Variants in SEMA5A observed in about 807,000 individuals in gnomAD.
The protein encoded by SEMA5A is semaphorin-5A.
Under a neutral mutation model 135.5 loss-of-function variants are expected in SEMA5A, and 55 were observed. The ratio of observed to expected loss-of-function variants is 0.41; its 90% CI spans 0.33 to 0.51. The LOEUF (loss-of-function observed/expected upper bound fraction) is 0.51. Ranked by LOEUF, SEMA5A falls within the 20% of genes least tolerant of loss-of-function variation. The probability of loss-of-function intolerance (pLI) is 0.37; values close to 1 mark genes in which losing one functional copy is unlikely to be tolerated. For synonymous variants in SEMA5A, 580 were observed against 546.5 expected, an observed-to-expected ratio of 1.06 and a Z score of -0.85; for missense variants, 1,290 against 1,419.9, an observed-to-expected ratio of 0.91 and a Z score of 1.47.
At chr5:9,326,781 TAAATA>T (rs1221553535) in intron 4 of SEMA5A, among the ~76,000 whole-genome samples, 3 of 152,054 alleles carry the variant, frequency 2.0e-5, no homozygotes, top group South Asian at 2.1e-4. Context: ...TCTCAATAAA[TAAATA>T]AAATAAGGAA....
At chr5:9,226,742 CA>C (rs1250040517) in intron 7 of SEMA5A, 126 bp downstream of exon 7, 2 of 585,324 alleles carry the variant, frequency 3.4e-6, no homozygotes, top group Non-Finnish European at 6.0e-6. Flanking sequence ...TTCAATTTGA[CA>C]AAAAGTGCTT....
At chr5:9,470,991 A>T (rs1390891469) in intron 1 of SEMA5A, among the ~76,000 whole-genome samples, 1 of 152,198 alleles carries the variant, frequency 6.6e-6, no homozygotes, top group Non-Finnish European at 1.5e-5. Flanking sequence ...CATTAATAAT[A>T]ATTATGATAA....
At chr5:9,294,464 C>T (rs1751235629) in intron 5 of SEMA5A, among the ~76,000 whole-genome samples, 1 of 152,174 alleles carries the variant, frequency 6.6e-6, no homozygotes, top group Non-Finnish European at 1.5e-5. Context: ...CCTGGATTCC[C>T]CTGCCTGCTC....
At chr5:9,110,466 A>C (rs558860887) in intron 15 of SEMA5A, among the ~76,000 whole-genome samples, 1 of 152,378 alleles carries the variant, frequency 6.6e-6, no homozygotes, top group South Asian at 2.1e-4. Flanking sequence ...ACTCCAACCT[A>C]GAAAACGGCG....
At chr5:9,146,536 G>A (rs1742346136) in intron 12 of SEMA5A, among the ~76,000 whole-genome samples, 1 of 152,130 alleles carries the variant, frequency 6.6e-6, no homozygotes, top group Non-Finnish European at 1.5e-5. Flanking sequence ...AAAAATAATT[G>A]GAGAGGAACA....
At chr5:9,136,751 GGCTGCACACTGGAGA>G (rs1434673662) in intron 12 of SEMA5A, 130 bp from the exon 13 acceptor site, 1 of 724,366 alleles carries the variant, frequency 1.4e-6, no homozygotes, top group Non-Finnish European at 2.5e-6. Flanking sequence ...TGGGTATTTA[GGCTGCACACTGGAGA>G]GCACAGCTAT....
intron 2 of SEMA5A, among the ~76,000 whole-genome samples, chr5:9,384,675 TATAG>T (rs1358325341): frequency 0.074 from 4,741 of 64,074 alleles, 468 homozygotes; most frequent in African/African-American, 0.16. Flanking sequence ...GATAGATAGA[TATAG>T]ATAGATAGAT....
chr5:9,217,292 T>C lies in SEMA5A; in HGVS notation c.646+7382A>G, dbSNP rs1008789757. 2.6e-5 allele frequency among the ~76,000 whole-genome samples: 4 copies of C among 152,220 alleles called. No homozygotes were observed. In the South Asian group the frequency reaches 8.3e-4, roughly 32 times the overall value. ...TGGTTGAAGACTTTTTCTTTATTTT[T>C]AATTTAAGAATGCTGAATATAGGCC... is the stretch of plus-strand genomic sequence containing the variant. On this transcript the variant is annotated intron_variant, in intron 8 of 22. Transcript: ENST00000382496.
At chr5:9,331,559 A>C (rs967707856) in intron 4 of SEMA5A, among the ~76,000 whole-genome samples, 4 of 152,316 alleles carry the variant, frequency 2.6e-5, no homozygotes, top group Admixed American at 2.0e-4. Context: ...AGACTTAACC[A>C]ATTAGAAACC....
intron 3 of SEMA5A, among the ~76,000 whole-genome samples, chr5:9,360,134 T>G (rs1754626481): frequency 6.6e-6 from 1 of 152,216 alleles, no homozygotes; most frequent in Non-Finnish European, 1.5e-5. Context: ...ACCACTGGCC[T>G]TTGCAGGTAT....
At chr5:9,306,047 C>A (rs1449370080) in intron 5 of SEMA5A, among the ~76,000 whole-genome samples, 2 of 152,176 alleles carry the variant, frequency 1.3e-5, no homozygotes, top group Non-Finnish European at 2.9e-5. Context: ...AAGGTTATGT[C>A]TTTTTCTGTT....
At position 9,061,633 on chromosome 5, in the gene SEMA5A, T is replaced by C. The variant is rs147648347; in HGVS notation, c.2518+1254A>G. Among the ~76,000 whole-genome samples the C allele has an allele frequency of 3.3e-5, 5 of 152,156 alleles. No homozygotes were observed. The East Asian group carries it at 9.7e-4, about 30-fold the overall frequency. Reference sequence around the variant, plus strand: ...AAAGGCAGAAACAGGGGCTTGAATATTAAAGGGAAAGATGGAGGAGTGTTT... The same window carrying C: ...AAAGGCAGAAACAGGGGCTTGAATACTAAAGGGAAAGATGGAGGAGTGTTT... On this transcript the variant is annotated intron_variant, in intron 18 of 22. Transcript: ENST00000382496.
At chr5:9,273,778 C>G (rs1401554668) in intron 5 of SEMA5A, among the ~76,000 whole-genome samples, 1 of 152,060 alleles carries the variant, frequency 6.6e-6, no homozygotes, top group Non-Finnish European at 1.5e-5. Context: ...CCTTTACAGA[C>G]AAGCAAATGC....
intron 4 of SEMA5A, among the ~76,000 whole-genome samples, chr5:9,332,301 A>G (rs1265832341): frequency 6.7e-6 from 1 of 149,832 alleles, no homozygotes; most frequent in Admixed American, 6.6e-5. Flanking sequence ...ATGGGCTGCT[A>G]CTCACATTGG....
chr5:9,271,463 G>C (rs1330874132), intron 5 of SEMA5A, among the ~76,000 whole-genome samples: 1 of 152,130 alleles, frequency 6.6e-6, no homozygotes, highest in African/African-American at 2.4e-5. Flanking sequence ...TAACAGTTAG[G>C]GGCTAGAACA....
At chr5:9,112,132 G>A (rs1237295736) in intron 15 of SEMA5A, among the ~76,000 whole-genome samples, 1 of 152,168 alleles carries the variant, frequency 6.6e-6, no homozygotes, top group Non-Finnish European at 1.5e-5. Flanking sequence ...ACCTCATGAT[G>A]TGTTAATAAT....
intron 1 of SEMA5A, among the ~76,000 whole-genome samples, chr5:9,438,626 T>C (rs1156462479): frequency 1.3e-5 from 2 of 152,228 alleles, no homozygotes; most frequent in Non-Finnish European, 2.9e-5. Context: ...TGACTTCAAA[T>C]ACTGCATTTC....
chr5:9,383,847 A>G (rs1755718260), intron 2 of SEMA5A, among the ~76,000 whole-genome samples: 1 of 152,140 alleles, frequency 6.6e-6, no homozygotes, highest in African/African-American at 2.4e-5. Flanking sequence ...ACCTGAATGA[A>G]AGGAAGAGAA....
At position 9,402,928 on chromosome 5, in the gene SEMA5A, T is replaced by C. The variant is rs1407880200; in HGVS notation, c.-77-22905A>G. 3.3e-5 allele frequency among the ~76,000 whole-genome samples: 5 copies of C among 152,290 alleles called. No homozygotes were observed. The East Asian group carries it at 5.8e-4, about 18-fold the overall frequency. On this transcript the variant is annotated intron_variant, in intron 2 of 22. Coordinates refer to ENST00000382496, the MANE Select transcript of SEMA5A (RefSeq NM_003966.3). ...TTGGTCTTATGACAGCCCCTGAACA[T>C]GGCCAGCAAGATGCAACACAAACTC...
Sources: allele counts gnomAD v4.1 joint callset (sites outside exome capture counted in the v4.1 genomes callset), GRCh38; gene constraint gnomAD v4.1.1; transcripts MANE v1.5; gene names NCBI Gene and HGNC (gene_info 2026-07-23, HGNC 2026-07-21).